Variants in GALNT10 observed in about 807,000 individuals in gnomAD.
The protein encoded by GALNT10 is polypeptide N-acetylgalactosaminyltransferase 10.
GALNT10 carries 41 observed loss-of-function variants against 75.0 expected under a neutral mutation model. The observed-to-expected ratio is 0.55, with a 90% CI of 0.43 to 0.71. The LOEUF is 0.71. GALNT10 is among the 30% of genes least tolerant of loss of function. The pLI is 0.00. For missense variants in GALNT10, 727 were observed against 818.5 expected (o/e 0.89, Z 1.36); for synonymous variants, 302 against 313.0 (o/e 0.96, Z 0.37).
chr5:154,382,719 AG>A (rs1755751017), intron 6 of GALNT10, among the ~76,000 whole-genome samples: 1 of 152,200 alleles, frequency 6.6e-6, no homozygotes, highest in Non-Finnish European at 1.5e-5. Context: ...AGGGTAACCA[AG>A]GGGGTAATTA....
chr5:154,226,889 A>G lies in GALNT10; in HGVS notation c.159+35864A>G, dbSNP rs543517198. Among the ~76,000 whole-genome samples, 65 of 151,858 alleles carry G rather than the reference A, an allele frequency of 4.3e-4. 1 individual carries two copies. The South Asian group carries it at 0.012, about 27-fold the overall frequency. On this transcript the variant is annotated intron_variant, in intron 1 of 11. Transcript: ENST00000297107. The stretch of plus-strand genomic sequence containing the variant: ...CAGGCAACCACTGCCCTCTATCACC[A>G]TAGATTAGTTTGTATTTTCTAGAGT...
chr5:154,319,348 T>C lies in GALNT10; in HGVS notation c.402-10224T>C, dbSNP rs151081773. ...CCCACATGTTAGCGGCAGGACAGTA[T>C]GTTTGCTATTGCCAGTTTTCCTTTG... is the stretch of plus-strand genomic sequence containing the variant. On this transcript the variant is annotated intron_variant, in intron 3 of 11. Transcript: ENST00000297107. Among the ~76,000 whole-genome samples, 291 of 152,374 alleles carry C rather than the reference T, an allele frequency of 1.9e-3. 1 individual carries two copies. The highest frequency in any genetic ancestry group is 6.9e-3 in the African/African-American group (287 of 41,590).
intron 1 of GALNT10, among the ~76,000 whole-genome samples, chr5:154,293,142 C>G (rs1340868709): frequency 6.6e-6 from 1 of 152,160 alleles, no homozygotes; most frequent in African/African-American, 2.4e-5. Flanking sequence ...ACACAGGGAT[C>G]AGCCAGAGGC....
chr5:154,283,195 G>A (rs1754063301), intron 1 of GALNT10, among the ~76,000 whole-genome samples: 1 of 148,316 alleles, frequency 6.7e-6, no homozygotes, highest in Admixed American at 6.9e-5. Context: ...TGTAATCTCA[G>A]CACTTTGGGA....
chr5:154,385,277 C>G (rs1222106882), intron 6 of GALNT10, among the ~76,000 whole-genome samples: 1 of 152,124 alleles, frequency 6.6e-6, no homozygotes, highest in Non-Finnish European at 1.5e-5. Context: ...TGCGAGATAC[C>G]CTGGGGGACG....
intron 1 of GALNT10, among the ~76,000 whole-genome samples, chr5:154,192,836 G>A (rs141179607): frequency 1.6e-3 from 246 of 152,176 alleles, no homozygotes; most frequent in African/African-American, 5.5e-3. Context: ...CTTGGAGAAA[G>A]ACCTCGTATT....
chr5:154,258,426 CT>C (rs535911982), intron 1 of GALNT10, among the ~76,000 whole-genome samples: 225 of 152,274 alleles, frequency 1.5e-3, no homozygotes, highest in African/African-American at 5.4e-3. Flanking sequence ...ACACATATAC[CT>C]AAATCAGTAG....
At chr5:154,255,176 G>A (rs183235713) in intron 1 of GALNT10, among the ~76,000 whole-genome samples, 198 of 152,072 alleles carry the variant, frequency 1.3e-3, no homozygotes, top group African/African-American at 4.5e-3. Flanking sequence ...CTCTAACCCC[G>A]AACAGACTCC....
chr5:154,380,903 C>T (rs1755723442), intron 6 of GALNT10, among the ~76,000 whole-genome samples: 1 of 152,186 alleles, frequency 6.6e-6, no homozygotes, highest in African/African-American at 2.4e-5. Flanking sequence ...GTGGGTCTCT[C>T]ATGCTCTCTT....
intron 1 of GALNT10, among the ~76,000 whole-genome samples, chr5:154,229,164 T>G (rs1753109044): frequency 6.6e-6 from 1 of 152,222 alleles, no homozygotes; most frequent in African/African-American, 2.4e-5. Flanking sequence ...AGGAAGGTAC[T>G]TACTTTTCCT....
intron 1 of GALNT10, among the ~76,000 whole-genome samples, chr5:154,196,182 C>T (rs1346809527): frequency 6.6e-6 from 1 of 152,222 alleles, no homozygotes; most frequent in Non-Finnish European, 1.5e-5. Flanking sequence ...CTCAGCCTCC[C>T]AAAGTGCTGG....
At chr5:154,302,174 G>C (rs1754372758) in intron 3 of GALNT10, among the ~76,000 whole-genome samples, 1 of 152,278 alleles carries the variant, frequency 6.6e-6, no homozygotes, top group South Asian at 2.1e-4. Context: ...TCCAGCAGGA[G>C]CTGAGGTTTA....
chr5:154,206,410 A>G (rs976677582), intron 1 of GALNT10, among the ~76,000 whole-genome samples: 1 of 152,226 alleles, frequency 6.6e-6, no homozygotes, highest in Non-Finnish European at 1.5e-5. Flanking sequence ...GATAGATACA[A>G]AAAACAGCCG....
chr5:154,340,726 C>G (rs1277915207), intron 4 of GALNT10, among the ~76,000 whole-genome samples: 1 of 152,138 alleles, frequency 6.6e-6, no homozygotes, highest in Non-Finnish European at 1.5e-5. Context: ...AAAGAACTTC[C>G]AGCCCCTGAA....
At chr5:154,288,212 C>G (rs1314103327) in intron 1 of GALNT10, among the ~76,000 whole-genome samples, 1 of 152,160 alleles carries the variant, frequency 6.6e-6, no homozygotes, top group Non-Finnish European at 1.5e-5. Flanking sequence ...ACAGCCCTTT[C>G]CTTGTTTTGA....
intron 3 of GALNT10, among the ~76,000 whole-genome samples, chr5:154,312,155 A>G (rs892730185): frequency 6.6e-6 from 1 of 152,230 alleles, no homozygotes; most frequent in African/African-American, 2.4e-5. Context: ...TTAAGCAAAA[A>G]GAAAATAATG....
At chr5:154,407,034 T>C (rs1756295856) in intron 8 of GALNT10, among the ~76,000 whole-genome samples, 1 of 152,204 alleles carries the variant, frequency 6.6e-6, no homozygotes. Flanking sequence ...CAGGAACAAG[T>C]AGCCAGTCTT....
At chr5:154,252,828 T>C (rs1561641525) in intron 1 of GALNT10, among the ~76,000 whole-genome samples, 1 of 151,984 alleles carries the variant, frequency 6.6e-6, no homozygotes, top group African/African-American at 2.4e-5. Flanking sequence ...GGGGCTCATC[T>C]TATCTGTATG....
intron 4 of GALNT10, chr5:154,330,011 G>T (rs1038368612): frequency 1.1e-5 from 3 of 275,316 alleles, no homozygotes; most frequent in Admixed American, 5.1e-5. Flanking sequence ...TCAAACAAGT[G>T]TAAGGATTCA....
Sources: gnomAD v4.1 joint callset for allele counts (sites outside exome capture counted in the v4.1 genomes callset) on GRCh38, gnomAD v4.1.1 for gene constraint, MANE v1.5 for transcripts, NCBI Gene and HGNC (gene_info 2026-07-23, HGNC 2026-07-21) for gene names.